The following PSAT1 variants were observed in gnomAD, a reference collection of about 807,000 sequenced individuals.
PSAT1 encodes the protein phosphoserine aminotransferase.
A neutral mutation model predicts 40.3 loss-of-function variants in PSAT1; 41 were observed. The observed-to-expected ratio is 1.02, with a 90% CI of 0.79 to 1.32. The LOEUF (loss-of-function observed/expected upper bound fraction) is 1.32, where lower values mean the gene tolerates loss of function less well. Ranked by LOEUF, PSAT1 falls within the 40% of genes most tolerant of loss-of-function variation. The pLI is 0.00. For missense variants in PSAT1, 406 were observed against 455.8 expected (o/e 0.89, Z 0.99); for synonymous variants, 147 against 170.5 (o/e 0.86, Z 1.07).
intron 7 of PSAT1, among the ~76,000 whole-genome samples, chr9:78,318,033 G>A (rs1297505522): frequency 6.6e-6 from 1 of 152,234 alleles, no homozygotes; most frequent in East Asian, 1.9e-4. Flanking sequence ...AGTGGGTGGT[G>A]ATGTTTCTCA....
rs34224073 is a variant in PSAT1 at position 78,321,010 on chromosome 9, T to TC, written c.869+3214dup. Among the ~76,000 whole-genome samples, 249 of 151,616 alleles carry TC rather than the reference T, an allele frequency of 1.6e-3. 2 individuals carry two copies. The East Asian group carries it at 0.017, about 10-fold the overall frequency. ...GAAGGAATTCTGGGACTCTCCTGAA[T>TC]CCCCCCCCGCCACGCCTAGGTCCTT... On this transcript the variant is annotated intron_variant, in intron 7 of 8. Transcript: ENST00000376588.
chr9:78,313,511 CAT>C (rs1400306217), intron 6 of PSAT1, among the ~76,000 whole-genome samples: 2 of 152,202 alleles, frequency 1.3e-5, no homozygotes, highest in African/African-American at 4.8e-5. Context: ...TATACAGAGT[CAT>C]ATATTTAATC....
intron 6 of PSAT1, among the ~76,000 whole-genome samples, chr9:78,314,757 G>A (rs1026048870): frequency 3.9e-5 from 6 of 152,186 alleles, no homozygotes; most frequent in South Asian, 2.1e-4. Context: ...GGGTTCAGGC[G>A]TCGGTACTGA....
rs1210919066 is a variant in PSAT1, at chr9:78,326,934, A to AATATATATATATATATATATATAT, written c.870-1095_870-1094insATATATATATATATATATATATAT. Among the ~76,000 whole-genome samples the AATATATATATATATATATATATAT allele has an allele frequency of 1.9e-4, 20 of 104,524 alleles. 1 individual carries two copies. The highest frequency in any genetic ancestry group is 4.4e-4 in the African/African-American group (9 of 20,546). 68.6% of individuals were successfully genotyped at this position (104,524 alleles called of 152,430 possible). A position where few individuals can be genotyped will look rare whatever the true frequency, so the allele number is the denominator to read the frequency against. On this transcript the variant is annotated intron_variant, in intron 7 of 8. Transcript: ENST00000376588. ...AGCTCAAACATGCTTAAGTGACAGC[A>AATATATATATATATATATATATAT]ATATATATATATATATATATATTTT...
rs778172800 is a variant in PSAT1 at position 78,329,692 on chromosome 9, C to G, written c.*606C>G. On this transcript the variant is annotated 3_prime_UTR_variant, in exon 9 of 9. Transcript: ENST00000376588. ...TTTATATTTCTATACATTTATATTT[C>G]TAATAATACAGTTATCACTGATATA... The G allele has an allele frequency of 6.5e-6, 1 of 153,132 alleles. No homozygotes were observed. The highest frequency in any genetic ancestry group is 1.9e-4 in the East Asian group (1 of 5,218). The allele number at this position is 153,132 out of a possible 1,614,324, so 9.5% of individuals were successfully genotyped here.
chr9:78,311,093 A>G (rs941221091), intron 6 of PSAT1, among the ~76,000 whole-genome samples: 1 of 152,110 alleles, frequency 6.6e-6, no homozygotes, highest in Non-Finnish European at 1.5e-5. Context: ...AATGCATGGT[A>G]GGGATGGGAG....
intron 1 of PSAT1, among the ~76,000 whole-genome samples, chr9:78,300,188 A>C (rs1328797668): frequency 1.3e-5 from 2 of 152,182 alleles, no homozygotes; most frequent in African/African-American, 4.8e-5. Flanking sequence ...TTCCCAGTCT[A>C]GCACCTTAGA....
At chr9:78,308,210 G>C (rs77723347) in intron 5 of PSAT1, among the ~76,000 whole-genome samples, 3,335 of 152,268 alleles carry the variant, frequency 0.022, 125 homozygotes, top group African/African-American at 0.075. Flanking sequence ...TGAGGACCAG[G>C]CTGACGGATC....
chr9:78,321,473 T>G, intron 7 of PSAT1, among the ~76,000 whole-genome samples: 1 of 152,204 alleles, frequency 6.6e-6, no homozygotes, highest in Non-Finnish European at 1.5e-5. Flanking sequence ...GAGGAATACC[T>G]AGAATTAGAA....
chr9:78,300,666 A>G lies in PSAT1; in HGVS notation c.121+4A>G. The G allele has an allele frequency of 6.3e-7, 1 of 1,595,588 alleles. No individual in the cohort carries two copies. The highest frequency in any genetic ancestry group is 8.5e-7 in the Non-Finnish European group (1 of 1,172,010). On this transcript the variant is annotated splice_donor_region_variant and intron_variant, in intron 2 of 8. Transcript: ENST00000376588. Reference sequence around the variant, plus strand: ...GGAGTTGGCATTAGTGTTCTTGGTAAGATTTACTTTTGAATTCTGTGAATG... The same window carrying G: ...GGAGTTGGCATTAGTGTTCTTGGTAGGATTTACTTTTGAATTCTGTGAATG...
Position 78,325,561 on chromosome 9 carries a change from C to A in PSAT1, c.870-2490C>A, listed in dbSNP as rs895502401. 2.0e-5 allele frequency among the ~76,000 whole-genome samples: 3 copies of A among 152,352 alleles called. No individual in the cohort carries two copies. In the East Asian group the frequency reaches 5.8e-4, roughly 29 times the overall value. On this transcript the variant is annotated intron_variant, in intron 7 of 8. Transcript: ENST00000376588. ...TTTCTTCTCATCTGTTGGAACCATG[C>A]CTTGTCCCCTCCCCTGAAACCTGTC...
intron 6 of PSAT1, among the ~76,000 whole-genome samples, chr9:78,309,982 G>GTA (rs1828242779): frequency 6.6e-6 from 1 of 152,068 alleles, no homozygotes; most frequent in South Asian, 2.1e-4. Context: ...ATAAATCTGT[G>GTA]TATATATATA....
chr9:78,325,283 G>GC (rs1828480404), intron 7 of PSAT1, among the ~76,000 whole-genome samples: 1 of 152,112 alleles, frequency 6.6e-6, no homozygotes, highest in Admixed American at 6.5e-5. Context: ...GCAGGTCTGT[G>GC]CGTTCCCAGT....
intron 3 of PSAT1, among the ~76,000 whole-genome samples, chr9:78,302,902 G>T (rs551586171): frequency 6.6e-6 from 1 of 152,242 alleles, no homozygotes; most frequent in Non-Finnish European, 1.5e-5. Context: ...TATCTGTACT[G>T]CCTTTCCTAT....
intron 6 of PSAT1, among the ~76,000 whole-genome samples, chr9:78,311,755 C>T (rs981787446): frequency 6.6e-6 from 1 of 152,084 alleles, no homozygotes; most frequent in Non-Finnish European, 1.5e-5. Context: ...TCCCTTGAAC[C>T]TGGGAGGCAG....
rs202227339 is a variant in PSAT1, at chr9:78,308,395, A to G, written c.571-19A>G. On this transcript the variant is annotated intron_variant, in intron 5 of 8. Coordinates refer to ENST00000376588, the MANE Select transcript of PSAT1 (RefSeq NM_058179.4). ...AATGGCCAAATCCTTCTTAAGCAGC[A>G]TGTCTTTCTCTTTTTAAGTTTGGTG... is the stretch of plus-strand genomic sequence containing the variant. The G allele has an allele frequency of 6.2e-7, 1 of 1,611,790 alleles. No homozygotes were observed. The highest frequency in any genetic ancestry group is 1.3e-5 in the African/African-American group (1 of 74,986).
chr9:78,306,292 T>A (rs762983493), intron 4 of PSAT1, 22 bp from the exon 5 acceptor site: 2 of 1,611,966 alleles, frequency 1.2e-6, no homozygotes, highest in Non-Finnish European at 1.7e-6. Context: ...GTGCAAAGTC[T>A]CAAACTTGTC....
chr9:78,308,686 T>G, intron 6 of PSAT1, 103 bp downstream of exon 6: 1 of 1,380,376 alleles, frequency 7.2e-7, no homozygotes, highest in Admixed American at 2.0e-5. Flanking sequence ...CTGGGCGCGG[T>G]GGCTCACACC....
intron 4 of PSAT1, 54 bp downstream of exon 4, chr9:78,304,994 G>C (rs1828161111): frequency 6.6e-7 from 1 of 1,506,058 alleles, no homozygotes; most frequent in African/African-American, 1.4e-5. Flanking sequence ...GGGTTACCCC[G>C]ACCCAGGGCA....
Sources: allele counts gnomAD v4.1 joint callset (sites outside exome capture counted in the v4.1 genomes callset), GRCh38; gene constraint gnomAD v4.1.1; transcripts MANE v1.5; gene names NCBI Gene and HGNC (gene_info 2026-07-23, HGNC 2026-07-21).